CELF4: variants seen among roughly 807,000 people sequenced by gnomAD.
CELF4 encodes CUGBP Elav-like family member 4.
A neutral mutation model predicts 59.9 loss-of-function variants in CELF4; 18 were observed. The observed-to-expected ratio is 0.30, with a 90% CI of 0.21 to 0.45. The LOEUF (loss-of-function observed/expected upper bound fraction) is 0.45. CELF4 is among the 20% of genes least tolerant of loss of function. The pLI, the probability that CELF4 is intolerant of heterozygous loss-of-function variation, is 1.00. For synonymous variants in CELF4, 261 were observed against 267.1 expected (o/e 0.98, Z 0.22); for missense variants, 456 against 689.0 (o/e 0.66, Z 3.79).
At chr18:37,560,750 G>A (rs1295438466) in intron 1 of CELF4, among the ~76,000 whole-genome samples, 1 of 152,126 alleles carries the variant, frequency 6.6e-6, no homozygotes, top group Non-Finnish European at 1.5e-5. Context: ...ATTTGAAAAT[G>A]GAAATCACAT....
intron 2 of CELF4, among the ~76,000 whole-genome samples, chr18:37,336,752 T>G (rs548939151): frequency 1.2e-4 from 18 of 152,210 alleles, no homozygotes; most frequent in Non-Finnish European, 2.2e-4. Flanking sequence ...CTGGCCAGCG[T>G]GCGTGGCCGA....
Position 37,243,256 on chromosome 18 carries a change from A to AAACAAC in CELF4, c.*1980_*1985dup. On this transcript the variant is annotated 3_prime_UTR_variant, in exon 13 of 13. Coordinates refer to ENST00000420428, the MANE Select transcript of CELF4 (RefSeq NM_020180.4). The stretch of plus-strand genomic sequence containing the variant: ...AGTCAAGAGAAAAAAAGAAAATGAA[A>AAACAAC]AACAACAACAACAACAAAATTGACA... The AAACAAC allele has an allele frequency of 6.6e-6, 1 of 150,842 alleles. No homozygotes were observed. The highest frequency in any genetic ancestry group is 1.5e-5 in the Non-Finnish European group (1 of 67,760). The allele number at this position is 150,842 out of a possible 1,614,324, so 9.3% of individuals were successfully genotyped here.
At chr18:37,409,945 C>G (rs2154591902) in intron 2 of CELF4, among the ~76,000 whole-genome samples, 1 of 152,328 alleles carries the variant, frequency 6.6e-6, no homozygotes, top group Middle Eastern at 3.4e-3. Flanking sequence ...GGCACACCCA[C>G]TGGGCCCAGC....
intron 2 of CELF4, among the ~76,000 whole-genome samples, chr18:37,345,930 G>A (rs937383930): frequency 1.3e-5 from 2 of 152,154 alleles, no homozygotes; most frequent in African/African-American, 4.8e-5. Context: ...GTGCATGCCT[G>A]GCCCCCGGAG....
At chr18:37,414,849 T>C (rs1181356624) in intron 2 of CELF4, among the ~76,000 whole-genome samples, 1 of 151,838 alleles carries the variant, frequency 6.6e-6, no homozygotes, top group Non-Finnish European at 1.5e-5. Context: ...ACCCATCCAC[T>C]CATCCATCTA....
At chr18:37,321,022 T>C (rs545790160) in intron 3 of CELF4, among the ~76,000 whole-genome samples, 2 of 152,150 alleles carry the variant, frequency 1.3e-5, no homozygotes, top group Non-Finnish European at 2.9e-5. Context: ...TTGAATCTCA[T>C]CTAGGGGAGC....
rs34833771 is a variant in CELF4, at chr18:37,271,254, CT to C, written c.950-338del. Among the ~76,000 whole-genome samples, 844 of 105,478 alleles carry C rather than the reference CT, an allele frequency of 8.0e-3. 2 individuals are homozygous for C. Among genetic ancestry groups the C allele is most frequent in the African/African-American group, 0.021 (530 of 25,334 alleles). The allele number at this position is 105,478 out of a possible 152,430, so 69.2% of individuals were successfully genotyped here. A position where few individuals can be genotyped will look rare whatever the true frequency, so the allele number is the denominator to read the frequency against. On this transcript the variant is annotated intron_variant, in intron 7 of 12. Coordinates refer to ENST00000420428, the MANE Select transcript of CELF4 (RefSeq NM_020180.4). ...AACCACACTTGGTCTTCCTTCAGTC[CT>C]TTTTTTTTTTTTTTTTTTTTTTGTC...
chr18:37,432,506 C>T (rs1265201287), intron 2 of CELF4, among the ~76,000 whole-genome samples: 1 of 152,218 alleles, frequency 6.6e-6, no homozygotes, highest in Non-Finnish European at 1.5e-5. Flanking sequence ...ATGAACGCTG[C>T]ACCCGGACCA....
At chr18:37,464,662 C>T (rs1019008400) in intron 2 of CELF4, among the ~76,000 whole-genome samples, 1 of 152,090 alleles carries the variant, frequency 6.6e-6, no homozygotes, top group Non-Finnish European at 1.5e-5. Context: ...ATCTCGGAGC[C>T]CCTGGCACTC....
intron 2 of CELF4, among the ~76,000 whole-genome samples, chr18:37,375,943 TA>T (rs2098964060): frequency 1.3e-5 from 2 of 152,182 alleles, no homozygotes; most frequent in Admixed American, 6.5e-5. Context: ...ACAAGAACTT[TA>T]TTACTGGGTA....
At chr18:37,525,796 A>C (rs2099963205) in intron 1 of CELF4, among the ~76,000 whole-genome samples, 1 of 152,132 alleles carries the variant, frequency 6.6e-6, no homozygotes, top group South Asian at 2.1e-4. Context: ...GCATTTTACA[A>C]AATCGAAAAT....
intron 2 of CELF4, among the ~76,000 whole-genome samples, chr18:37,351,086 C>T (rs2098429651): frequency 6.6e-6 from 1 of 152,100 alleles, no homozygotes; most frequent in South Asian, 2.1e-4. Flanking sequence ...ATTAATATTA[C>T]ATTTAAAAAC....
intron 2 of CELF4, among the ~76,000 whole-genome samples, chr18:37,385,962 C>T (rs961316415): frequency 2.0e-5 from 3 of 152,234 alleles, no homozygotes; most frequent in Non-Finnish European, 4.4e-5. Flanking sequence ...TTTATTGAAA[C>T]TTCAAAAGTT....
intron 2 of CELF4, among the ~76,000 whole-genome samples, chr18:37,476,985 C>A (rs1318811519): frequency 2.0e-5 from 3 of 152,234 alleles, no homozygotes; most frequent in African/African-American, 4.8e-5. Flanking sequence ...CCAAATGCAC[C>A]CCCGCAGGGT....
intron 2 of CELF4, among the ~76,000 whole-genome samples, chr18:37,322,384 C>T (rs622750): frequency 0.53 from 81,241 of 152,104 alleles, 22,256 homozygotes; most frequent in East Asian, 0.75. Context: ...ATGGGTCAGG[C>T]GTGGCCAAGG....
At chr18:37,357,863 T>TG (rs1411025837) in intron 2 of CELF4, among the ~76,000 whole-genome samples, 4 of 152,210 alleles carry the variant, frequency 2.6e-5, no homozygotes, top group Non-Finnish European at 5.9e-5. Context: ...CGGACTTGTG[T>TG]GGGGCCTTTA....
At chr18:37,462,400 G>A (rs571497144) in intron 2 of CELF4, among the ~76,000 whole-genome samples, 64 of 152,276 alleles carry the variant, frequency 4.2e-4, no homozygotes, top group African/African-American at 1.3e-3. Flanking sequence ...CTGCTCCTCC[G>A]GAGGCCTTTC....
chr18:37,321,822 G>A lies in CELF4; in HGVS notation c.429C>T (p.Cys143=). ...ADSESRGGSS[C]LRQPPSQDRK... ...CCTCACGTGAAGGGGGCTGGCGCAG[G>A]CAGCTACTACCTCCTCGGCTCTCGC... The change falls in exon 3 of 13, where the codon TGC becomes TGT. Residue 143 remains cysteine, a synonymous_variant. Coordinates refer to ENST00000420428, the MANE Select transcript of CELF4 (RefSeq NM_020180.4). 2 of 1,612,532 alleles carry A rather than the reference G, an allele frequency of 1.2e-6. No homozygotes were observed. The highest frequency in any genetic ancestry group is 1.7e-6 in the Non-Finnish European group (2 of 1,179,208).
intron 1 of CELF4, chr18:37,528,946 A>G (rs2099966680): frequency 6.6e-6 from 1 of 152,120 alleles, no homozygotes; most frequent in East Asian, 1.9e-4. Context: ...CAAGTAGGTA[A>G]TAGACAGCAA....
Sources: allele counts gnomAD v4.1 joint callset (sites outside exome capture counted in the v4.1 genomes callset), GRCh38; gene constraint gnomAD v4.1.1; transcripts MANE v1.5; gene names NCBI Gene and HGNC (gene_info 2026-07-23, HGNC 2026-07-21).